Variants in EEFSEC observed in about 807,000 individuals in gnomAD.
The protein encoded by EEFSEC is selenocysteine-specific elongation factor.
Under a neutral mutation model 42.1 loss-of-function variants are expected in EEFSEC, and 43 were observed. That is an observed-to-expected ratio of 1.02 (90% confidence interval 0.80 to 1.32). The LOEUF is 1.32. Ranked by LOEUF, EEFSEC falls within the 40% of genes most tolerant of loss-of-function variation. The probability of loss-of-function intolerance (pLI) is 0.00; values close to 1 mark genes in which losing one functional copy is unlikely to be tolerated. For synonymous variants in EEFSEC, 354 were observed against 339.1 expected, an observed-to-expected ratio of 1.04 and a Z score of -0.48; for missense variants, 745 against 803.6, an observed-to-expected ratio of 0.93 and a Z score of 0.88.
intron 6 of EEFSEC, among the ~76,000 whole-genome samples, chr3:128,358,655 C>T (rs962855521): frequency 6.6e-6 from 1 of 152,176 alleles, no homozygotes; most frequent in Admixed American, 6.5e-5. Context: ...CTTGGGCCCG[C>T]ACCTTGGTTT....
intron 4 of EEFSEC, chr3:128,337,022 A>T (rs2067197259): frequency 6.6e-6 from 1 of 152,222 alleles, no homozygotes; most frequent in Non-Finnish European, 1.5e-5. Context: ...TATTCAGTAG[A>T]TGGAGAGAGG....
At chr3:128,340,750 G>T (rs2067241181) in intron 4 of EEFSEC, among the ~76,000 whole-genome samples, 1 of 152,206 alleles carries the variant, frequency 6.6e-6, no homozygotes, top group South Asian at 2.1e-4. Flanking sequence ...GCTTTCCAGA[G>T]CAGTGGTGTT....
Position 128,328,421 on chromosome 3 carries a change from G to T in EEFSEC, c.787-12812G>T, listed in dbSNP as rs558531203. On this transcript the variant is annotated intron_variant, in intron 4 of 6. Transcript: ENST00000254730. ...GGCAAGGTCCAGGCCATGGGATGAGGTGTGGGGTGCAAATTAGATGCCCTG... is the reference window on the plus strand; with the variant it reads ...GGCAAGGTCCAGGCCATGGGATGAGTTGTGGGGTGCAAATTAGATGCCCTG... 6.6e-5 allele frequency among the ~76,000 whole-genome samples: 10 copies of T among 152,332 alleles called. No homozygotes were observed. The South Asian group carries it at 1.4e-3, about 22-fold the overall frequency.
chr3:128,307,849 G>T (rs1391446602), intron 4 of EEFSEC, among the ~76,000 whole-genome samples: 1 of 152,236 alleles, frequency 6.6e-6, no homozygotes, highest in Non-Finnish European at 1.5e-5. Context: ...AGTTGGCCCT[G>T]ACCTTGTGCC....
At chr3:128,232,680 A>G (rs1157628892) in intron 1 of EEFSEC, among the ~76,000 whole-genome samples, 2 of 152,226 alleles carry the variant, frequency 1.3e-5, no homozygotes, top group African/African-American at 4.8e-5. Flanking sequence ...CTACATTTCA[A>G]ATTCCATTTT....
intron 1 of EEFSEC, among the ~76,000 whole-genome samples, chr3:128,181,107 A>G (rs2065400543): frequency 6.6e-6 from 1 of 152,144 alleles, no homozygotes; most frequent in South Asian, 2.1e-4. Flanking sequence ...GGGACTGACC[A>G]TGTCCTTTGG....
chr3:128,230,747 G>T (rs1016452440), intron 1 of EEFSEC, among the ~76,000 whole-genome samples: 1 of 152,186 alleles, frequency 6.6e-6, no homozygotes, highest in South Asian at 2.1e-4. Flanking sequence ...TTAGCATGCA[G>T]ATTGGGAAAG....
In EEFSEC at chr3:128,320,083, AC is replaced by A. The variant is rs539160553; in HGVS notation, c.787-21148del. On this transcript the variant is annotated intron_variant, in intron 4 of 6. Transcript: ENST00000254730. The stretch of plus-strand genomic sequence containing the variant: ...AGGAGTCAGCGCACTGCAGCCTGCC[AC>A]CTGTTTTGATAAATAAAGCACTGCA... Among the ~76,000 whole-genome samples, 12 of 152,326 alleles carry A rather than the reference AC, an allele frequency of 7.9e-5. No homozygotes were observed. In the South Asian group the frequency reaches 2.3e-3, roughly 29 times the overall value.
rs144260888 is a variant in EEFSEC, at chr3:128,176,117, A to C, written c.316+22294A>C. Reference sequence around the variant, plus strand: ...TTAGCTATTGTGATCATAATTTAATATGACTTAAGTTTTAATCTTTATACG... The same window carrying C: ...TTAGCTATTGTGATCATAATTTAATCTGACTTAAGTTTTAATCTTTATACG... On this transcript the variant is annotated intron_variant, in intron 1 of 6. Transcript: ENST00000254730. 8.5e-5 allele frequency among the ~76,000 whole-genome samples: 13 copies of C among 152,280 alleles called. No homozygotes were observed. The East Asian group carries it at 2.5e-3, about 29-fold the overall frequency.
intron 6 of EEFSEC, among the ~76,000 whole-genome samples, chr3:128,382,896 C>G (rs980185012): frequency 1.3e-5 from 2 of 152,212 alleles, no homozygotes; most frequent in African/African-American, 2.4e-5. Flanking sequence ...GAAATTCAAC[C>G]CAGCTCATTT....
chr3:128,207,775 C>T (rs992961334), intron 1 of EEFSEC, among the ~76,000 whole-genome samples: 6 of 152,166 alleles, frequency 3.9e-5, no homozygotes, highest in Admixed American at 3.3e-4. Flanking sequence ...AATGGGTAGA[C>T]AGCTCAGTAA....
At chr3:128,173,695 G>T (rs891913005) in intron 1 of EEFSEC, among the ~76,000 whole-genome samples, 1 of 152,100 alleles carries the variant, frequency 6.6e-6, no homozygotes, top group Non-Finnish European at 1.5e-5. Context: ...AGCCTATCTG[G>T]TCTTTTCAAG....
intron 6 of EEFSEC, among the ~76,000 whole-genome samples, chr3:128,400,972 G>A (rs2068041906): frequency 6.6e-6 from 1 of 152,192 alleles, no homozygotes; most frequent in Non-Finnish European, 1.5e-5. Context: ...CAGGGTCATG[G>A]CCGCCCGCCC....
At chr3:128,404,042 C>T (rs535407161) in intron 6 of EEFSEC, among the ~76,000 whole-genome samples, 4 of 152,192 alleles carry the variant, frequency 2.6e-5, no homozygotes, top group East Asian at 1.9e-4. Flanking sequence ...AGGCAGGTTG[C>T]GAGAAGCAGA....
chr3:128,283,307 C>T (rs1047863974), intron 4 of EEFSEC, among the ~76,000 whole-genome samples: 27 of 152,156 alleles, frequency 1.8e-4, no homozygotes, highest in South Asian at 6.2e-4. Context: ...TGGCTATGTT[C>T]GTTCGTTTGA....
intron 4 of EEFSEC, among the ~76,000 whole-genome samples, chr3:128,333,001 T>C (rs2067151009): frequency 1.3e-5 from 2 of 152,182 alleles, no homozygotes; most frequent in African/African-American, 4.8e-5. Flanking sequence ...AGCCTGAACC[T>C]CTTTGAATTG....
At chr3:128,195,959 C>CT (rs1448081704) in intron 1 of EEFSEC, among the ~76,000 whole-genome samples, 1 of 152,240 alleles carries the variant, frequency 6.6e-6, no homozygotes, top group African/African-American at 2.4e-5. Context: ...CCTGGCTAGA[C>CT]TTGGGCAATG....
chr3:128,384,848 G>A (rs995490134), intron 6 of EEFSEC, among the ~76,000 whole-genome samples: 11 of 152,212 alleles, frequency 7.2e-5, no homozygotes, highest in Admixed American at 4.6e-4. Context: ...CTTCCACAGA[G>A]GAAATTACTG....
In EEFSEC at chr3:128,341,557, C is replaced by A; in HGVS notation, c.1111C>A (p.Gln371Lys). 1 of 1,614,100 alleles carries A rather than the reference C, an allele frequency of 6.2e-7. No individual in the cohort carries two copies. The highest frequency in any genetic ancestry group is 1.1e-5 in the South Asian group (1 of 91,082). ...TATACTGGACTCTTTCAACTTCTCTCAAGAATACCTTTTCCAGGAGCAGTA... is the reference window on the plus strand; with the variant it reads ...TATACTGGACTCTTTCAACTTCTCTAAAGAATACCTTTTCCAGGAGCAGTA... ...EPILDSFNFS[Q>K]EYLFQEQYLS... The change falls in exon 5 of 7, where the codon CAA (glutamine) becomes AAA (lysine). Residue 371 changes from glutamine to lysine, a missense_variant. Transcript: ENST00000254730.
Sources: gnomAD v4.1 joint callset for allele counts (sites outside exome capture counted in the v4.1 genomes callset) on GRCh38, gnomAD v4.1.1 for gene constraint, MANE v1.5 for transcripts, NCBI Gene and HGNC (gene_info 2026-07-23, HGNC 2026-07-21) for gene names.